The following CARD10 variants were observed in gnomAD, a reference collection of about 807,000 sequenced individuals.
CARD10 encodes caspase recruitment domain family member 10, also known as caspase recruitment domain-containing protein 10.
A neutral mutation model predicts 114.6 loss-of-function variants in CARD10; 49 were observed. The ratio of observed to expected loss-of-function variants is 0.43; its 90% confidence interval spans 0.34 to 0.54. The LOEUF is 0.54. Ranked by LOEUF, CARD10 falls within the 20% of genes least tolerant of loss-of-function variation. The pLI is 0.03. For missense variants in CARD10, 1,206 were observed against 1,397.2 expected (o/e 0.86, Z 2.18); for synonymous variants, 602 against 593.2 (o/e 1.01, Z -0.21).
intron 16 of CARD10, among the ~76,000 whole-genome samples, chr22:37,493,449 A>C (rs1922880018): frequency 6.6e-6 from 1 of 152,152 alleles, no homozygotes; most frequent in Admixed American, 6.5e-5. Context: ...CTAATTAGAC[A>C]GCAAGCTCCA....
At chr22:37,511,420 A>G (rs1601817935) in intron 3 of CARD10, among the ~76,000 whole-genome samples, 5 of 92,146 alleles carry the variant, frequency 5.4e-5, no homozygotes, top group Admixed American at 1.2e-4. Flanking sequence ...GGGGAGGAGG[A>G]GGGAGGGGGA....
At chr22:37,513,507 T>C (rs903578660) in intron 3 of CARD10, among the ~76,000 whole-genome samples, 5 of 152,026 alleles carry the variant, frequency 3.3e-5, no homozygotes, top group African/African-American at 4.8e-5. Flanking sequence ...CCATCTCTTT[T>C]CCATCCCCCT....
chr22:37,504,124 G>A (rs1411163303), intron 9 of CARD10, 62 bp downstream of exon 9: 13 of 1,170,592 alleles, frequency 1.1e-5, no homozygotes, highest in Non-Finnish European at 1.6e-5. Context: ...CTGGGAGGTG[G>A]CTGTTCGGGA....
chr22:37,510,347 G>C lies in CARD10; in HGVS notation c.774C>G (p.Pro258=), dbSNP rs1486849144. 9 of 1,611,994 alleles carry C rather than the reference G, an allele frequency of 5.6e-6. No individual in the cohort carries two copies. Among genetic ancestry groups the C allele is most frequent in the East Asian group, 2.2e-5 (1 of 44,850 alleles). ...CALLRRARGP[P]PGAEEKEKEK... ...CCTTCTCCTTCTCCTCTGCCCCAGG[G>C]GGCGGGCCCCTGGCCCTTCGAAGCA... Residue 258 remains proline (P), a synonymous_variant, in exon 4 of 20, where the codon CCC becomes CCG. Coordinates refer to ENST00000251973, the MANE Select transcript of CARD10 (RefSeq NM_014550.4).
intron 11 of CARD10, among the ~76,000 whole-genome samples, chr22:37,497,923 G>A (rs1159245790): frequency 6.6e-6 from 1 of 151,800 alleles, no homozygotes; most frequent in Non-Finnish European, 1.5e-5. Context: ...ACGTGGCACA[G>A]ATCCAAAGGT....
rs1401553477 is a variant in CARD10, at chr22:37,490,844, T to G, written c.*315A>C. 5.1e-6 allele frequency: 2 copies of G among 391,034 alleles called. No homozygotes were observed. The highest frequency in any genetic ancestry group is 3.5e-5 in the South Asian group (1 of 28,354). The allele number at this position is 391,034 out of a possible 1,614,324, so 24.2% of individuals were successfully genotyped here. On this transcript the variant is annotated 3_prime_UTR_variant, in exon 20 of 20. Coordinates refer to ENST00000251973, the MANE Select transcript of CARD10 (RefSeq NM_014550.4). Reference sequence around the variant, plus strand: ...TTGAGTGTGCAAACCTGCGCACAGGTGTGAGAACAGACTCCAGGGCGAGTG... The same window carrying G: ...TTGAGTGTGCAAACCTGCGCACAGGGGTGAGAACAGACTCCAGGGCGAGTG...
chr22:37,508,429 C>A (rs772449829), intron 5 of CARD10, 98 bp downstream of exon 5: 13 of 1,282,678 alleles, frequency 1.0e-5, no homozygotes, highest in Non-Finnish European at 1.3e-5. Context: ...GTTCTCAGCG[C>A]GGCGCCTGCG....
chr22:37,504,760 A>C lies in CARD10; in HGVS notation c.1393T>G (p.Ser465Ala). The change falls in exon 8 of 20, where the codon TCC becomes GCC. Residue 465 changes from serine (S) to alanine (A), a missense_variant. Physicochemically the swap from Ser to Ala is moderately conservative, Grantham distance 99. Coordinates refer to ENST00000251973, the MANE Select transcript of CARD10 (RefSeq NM_014550.4). ...AGGTTGGAGCACAGGGAATGGGAGG[A>C]GGCACAGGCCTGGAAGAGGGAGAGG... Reference protein sequence around the residue: ...QGGTCLKACASSHSLCSNLSS... With the variant: ...QGGTCLKACAASHSLCSNLSS... 6.5e-7 allele frequency: 1 copy of C among 1,547,996 alleles called. No homozygotes were observed. Among genetic ancestry groups the C allele is most frequent in the Non-Finnish European group, 8.7e-7 (1 of 1,148,978 alleles).
At chr22:37,503,111 C>A in intron 10 of CARD10, 74 bp downstream of exon 10, 1 of 1,482,632 alleles carries the variant, frequency 6.7e-7, no homozygotes, top group Non-Finnish European at 9.3e-7. Context: ...GCAGGTGGTG[C>A]AGGCTTCAGG....
At chr22:37,511,445 A>AAGGAGG (rs1170397762) in intron 3 of CARD10, among the ~76,000 whole-genome samples, 11 of 135,264 alleles carry the variant, frequency 8.1e-5, no homozygotes, top group Non-Finnish European at 1.1e-4. Flanking sequence ...GTAGAAGGAG[A>AAGGAGG]AGGAGGAGGA....
chr22:37,495,312 C>T lies in CARD10; in HGVS notation c.2373+205G>A, dbSNP rs139853436. Among the ~76,000 whole-genome samples, 72 of 152,316 alleles carry T rather than the reference C, an allele frequency of 4.7e-4. 2 individuals are homozygous for T. The East Asian group carries it at 0.013, about 28-fold the overall frequency. On this transcript the variant is annotated intron_variant, in intron 15 of 19. Transcript: ENST00000251973. Reference sequence around the variant, plus strand: ...CAGGGGTACTCCTGCATACTAGGCACGCTTTACCTCATTTCATCTCTAAAC... The same window carrying T: ...CAGGGGTACTCCTGCATACTAGGCATGCTTTACCTCATTTCATCTCTAAAC...
chr22:37,493,353 A>G (rs989571803), intron 16 of CARD10, among the ~76,000 whole-genome samples: 1 of 152,184 alleles, frequency 6.6e-6, no homozygotes, highest in Non-Finnish European at 1.5e-5. Context: ...GGCCCCTGGC[A>G]TGTGCCCCAC....
rs1923261734 is a variant in CARD10 at position 37,502,730 on chromosome 22, G to T, written c.1664-5C>A. The T allele has an allele frequency of 6.2e-7, 1 of 1,612,108 alleles. No individual in the cohort carries two copies. On this transcript the variant is annotated splice_polypyrimidine_tract_variant and splice_region_variant and intron_variant, in intron 10 of 19. Transcript: ENST00000251973. ...AGGGCTTAAGTGTCACACTCCCTGGGGAAAAAGAATGAGGTTCAGGGATCT... is the reference window on the plus strand; with the variant it reads ...AGGGCTTAAGTGTCACACTCCCTGGTGAAAAAGAATGAGGTTCAGGGATCT...
rs748883183 is a variant in CARD10, at chr22:37,503,232, G to A, written c.1635-19C>T. 7.5e-6 allele frequency: 12 copies of A among 1,608,820 alleles called. No homozygotes were observed. The highest frequency in any genetic ancestry group is 2.3e-5 in the East Asian group (1 of 44,270). ...GAAGGATCTGGGCAGAGAGAGGGCA[G>A]GGAGGGGGCAGGAGGTGAGGCACAG... On this transcript the variant is annotated intron_variant, in intron 9 of 19. Coordinates refer to ENST00000251973, the MANE Select transcript of CARD10 (RefSeq NM_014550.4).
chr22:37,510,698 C>T lies in CARD10; in HGVS notation c.700-277G>A, dbSNP rs537460887. 11 of 455,766 alleles carry T rather than the reference C, an allele frequency of 2.4e-5. No homozygotes were observed. In the East Asian group the frequency reaches 2.5e-4, roughly 10 times the overall value. The allele number at this position is 455,766 out of a possible 1,614,324, so 28.2% of individuals were successfully genotyped here. On this transcript the variant is annotated intron_variant, in intron 3 of 19. Coordinates refer to ENST00000251973, the MANE Select transcript of CARD10 (RefSeq NM_014550.4). ...TGGGCGGACATGCTGCATCACGACA[C>T]GCTGTCTGTCCCGCACTTCTGACAC... is the stretch of plus-strand genomic sequence containing the variant.
At chr22:37,508,293 T>A (rs1284508853) in intron 5 of CARD10, among the ~76,000 whole-genome samples, 1 of 152,174 alleles carries the variant, frequency 6.6e-6, no homozygotes, top group Non-Finnish European at 1.5e-5. Flanking sequence ...ACTGTGTATC[T>A]CACATACTGC....
In CARD10 at chr22:37,490,990, A is replaced by G. The variant is rs1467569705; in HGVS notation, c.*169T>C. ...GTGGGCACTCTGTCCCGGGACTCCCATAGGCTCGGCAGGGCCAGAGACAGC... is the reference window on the plus strand; with the variant it reads ...GTGGGCACTCTGTCCCGGGACTCCCGTAGGCTCGGCAGGGCCAGAGACAGC... On this transcript the variant is annotated 3_prime_UTR_variant, in exon 20 of 20. Coordinates refer to ENST00000251973, the MANE Select transcript of CARD10 (RefSeq NM_014550.4). The G allele has an allele frequency of 1.6e-6, 1 of 611,030 alleles. No homozygotes were observed. The highest frequency in any genetic ancestry group is 2.9e-6 in the Non-Finnish European group (1 of 348,046). The allele number at this position is 611,030 out of a possible 1,614,324, so 37.9% of individuals were successfully genotyped here.
intron 3 of CARD10, among the ~76,000 whole-genome samples, chr22:37,511,688 G>A (rs1923658101): frequency 6.6e-6 from 1 of 151,852 alleles, no homozygotes; most frequent in South Asian, 2.1e-4. Flanking sequence ...TTTGAGAGTT[G>A]AGGGACTCAT....
chr22:37,497,317 C>T, intron 11 of CARD10, 139 bp from the exon 12 acceptor site: 1 of 811,366 alleles, frequency 1.2e-6, no homozygotes, highest in Non-Finnish European at 1.9e-6. Flanking sequence ...CTTCTGTGCC[C>T]TCTTCCTTGC....
Sources: allele counts gnomAD v4.1 joint callset (sites outside exome capture counted in the v4.1 genomes callset), GRCh38; gene constraint gnomAD v4.1.1; transcripts MANE v1.5; gene names NCBI Gene and HGNC (gene_info 2026-07-23, HGNC 2026-07-21).